The following MBD5 variants were observed in gnomAD, a reference collection of about 807,000 sequenced individuals.
MBD5 encodes the protein methyl-CpG-binding domain protein 5.
A neutral mutation model predicts 117.3 loss-of-function variants in MBD5; 13 were observed. That is an observed-to-expected ratio of 0.11 (90% CI 0.07 to 0.18). MBD5 has a LOEUF of 0.18. MBD5 is among the 10% of genes least tolerant of loss of function. The pLI, the probability that MBD5 is intolerant of heterozygous loss-of-function variation, is 1.00. For missense variants in MBD5, 1,879 were observed against 2,093.8 expected (o/e 0.90, Z 2.00); for synonymous variants, 727 against 766.4 (o/e 0.95, Z 0.85).
At chr2:148,138,395 T>C (rs1697224128) in intron 1 of MBD5, among the ~76,000 whole-genome samples, 1 of 152,204 alleles carries the variant, frequency 6.6e-6, no homozygotes, top group Non-Finnish European at 1.5e-5. Flanking sequence ...TCAATTAGAA[T>C]ATGGAGAAAA....
At chr2:148,436,077 G>T (rs1042493617) in intron 4 of MBD5, among the ~76,000 whole-genome samples, 3 of 152,190 alleles carry the variant, frequency 2.0e-5, no homozygotes, top group African/African-American at 7.2e-5. Context: ...TGTAAGTTAA[G>T]ATACCTATAG....
intron 4 of MBD5, among the ~76,000 whole-genome samples, chr2:148,427,170 G>C (rs1249695217): frequency 4.6e-5 from 7 of 152,148 alleles, no homozygotes; most frequent in African/African-American, 1.2e-4. Context: ...TGGAGAGGAT[G>C]TGGAGAAATA....
At chr2:148,052,715 T>G (rs1694750129) in intron 1 of MBD5, among the ~76,000 whole-genome samples, 1 of 152,188 alleles carries the variant, frequency 6.6e-6, no homozygotes, top group African/African-American at 2.4e-5. Context: ...TTTCCAAATT[T>G]CCTTCTATTA....
In MBD5 at chr2:148,092,027, G is replaced by T. The variant is rs150434997; in HGVS notation, c.-925+70343G>T. Among the ~76,000 whole-genome samples, 205 of 152,238 alleles carry T rather than the reference G, an allele frequency of 1.3e-3. 1 individual carries two copies. Among genetic ancestry groups the T allele is most frequent in the African/African-American group, 4.5e-3 (188 of 41,544 alleles). On this transcript the variant is annotated intron_variant, in intron 1 of 13. Transcript: ENST00000642680. ...TATAAATAGACATTTCCCAAAGGAA[G>T]ACATATAAATGGCCAATAAACATGG...
chr2:148,279,105 A>G (rs1037329285), intron 3 of MBD5, among the ~76,000 whole-genome samples: 2 of 152,108 alleles, frequency 1.3e-5, no homozygotes, highest in African/African-American at 4.8e-5. Flanking sequence ...GAACACCATC[A>G]CAAACACACT....
At chr2:148,442,021 A>G (rs1574427108) in intron 4 of MBD5, among the ~76,000 whole-genome samples, 2 of 152,006 alleles carry the variant, frequency 1.3e-5, no homozygotes, top group African/African-American at 4.8e-5. Flanking sequence ...TTGTCAGATG[A>G]GTAGATTGCA....
intron 4 of MBD5, among the ~76,000 whole-genome samples, chr2:148,377,908 T>C (rs1411647397): frequency 2.6e-5 from 4 of 152,186 alleles, no homozygotes; most frequent in African/African-American, 9.7e-5. Context: ...GTTGGGTGAG[T>C]ACATATTTCT....
chr2:148,311,836 C>T (rs768609069), intron 3 of MBD5, among the ~76,000 whole-genome samples: 5 of 152,188 alleles, frequency 3.3e-5, no homozygotes, highest in African/African-American at 4.8e-5. Context: ...TCTTGTAAGG[C>T]AGGCCTGGTG....
chr2:148,360,403 T>A (rs904750683), intron 4 of MBD5, among the ~76,000 whole-genome samples: 1 of 152,148 alleles, frequency 6.6e-6, no homozygotes, highest in African/African-American at 2.4e-5. Context: ...TCTCAGAGAA[T>A]AGGAAAAACA....
chr2:148,191,092 C>T (rs1333958771), intron 2 of MBD5, among the ~76,000 whole-genome samples: 3 of 119,548 alleles, frequency 2.5e-5, no homozygotes, highest in Non-Finnish European at 5.2e-5. Flanking sequence ...TACAGGAGCA[C>T]CCAGATTCAT....
intron 4 of MBD5, among the ~76,000 whole-genome samples, chr2:148,356,676 G>A (rs1229161995): frequency 6.6e-6 from 1 of 151,870 alleles, no homozygotes; most frequent in Non-Finnish European, 1.5e-5. Flanking sequence ...ATTCCCTTTT[G>A]TTTTTCTTGT....
At chr2:148,253,601 G>GTA (rs1700515793) in intron 3 of MBD5, among the ~76,000 whole-genome samples, 1 of 152,240 alleles carries the variant, frequency 6.6e-6, no homozygotes, top group South Asian at 2.1e-4. Flanking sequence ...ATTCTATACT[G>GTA]TAGTCTATTA....
intron 3 of MBD5, among the ~76,000 whole-genome samples, chr2:148,315,257 G>A (rs771698773): frequency 2.6e-5 from 4 of 151,976 alleles, no homozygotes; most frequent in African/African-American, 7.3e-5. Context: ...TCCCTCTTAC[G>A]GTCCCACATA....
At chr2:148,084,146 T>G (rs1301038742) in intron 1 of MBD5, among the ~76,000 whole-genome samples, 2 of 152,220 alleles carry the variant, frequency 1.3e-5, no homozygotes, top group African/African-American at 4.8e-5. Context: ...TAGTACTTAT[T>G]GCATTTAAAG....
intron 4 of MBD5, among the ~76,000 whole-genome samples, chr2:148,428,098 A>G (rs1705863205): frequency 6.6e-6 from 1 of 152,204 alleles, no homozygotes; most frequent in African/African-American, 2.4e-5. Context: ...AGAAAAGCCC[A>G]TCATCTCTGC....
chr2:148,295,465 T>C (rs1405510245), intron 3 of MBD5, among the ~76,000 whole-genome samples: 1 of 152,194 alleles, frequency 6.6e-6, no homozygotes, highest in African/African-American at 2.4e-5. Context: ...GCTCCCTGCA[T>C]TTCTATTTCT....
chr2:148,112,218 T>C (rs1461473857), intron 1 of MBD5, among the ~76,000 whole-genome samples: 1 of 152,232 alleles, frequency 6.6e-6, no homozygotes, highest in East Asian at 1.9e-4. Context: ...ATAGTTCTCC[T>C]AGCCTATATA....
chr2:148,073,560 A>G (rs1210644577), intron 1 of MBD5, among the ~76,000 whole-genome samples: 1 of 152,210 alleles, frequency 6.6e-6, no homozygotes, highest in Non-Finnish European at 1.5e-5. Context: ...ATAATGGCAT[A>G]CTGTATAACC....
intron 1 of MBD5, among the ~76,000 whole-genome samples, chr2:148,150,671 G>C (rs1386707711): frequency 6.6e-6 from 1 of 151,802 alleles, no homozygotes; most frequent in Non-Finnish European, 1.5e-5. Context: ...CTTGTAAGTT[G>C]GATTCCTAGG....
Sources: allele counts gnomAD v4.1 joint callset (sites outside exome capture counted in the v4.1 genomes callset), GRCh38; gene constraint gnomAD v4.1.1; transcripts MANE v1.5; gene names NCBI Gene and HGNC (gene_info 2026-07-23, HGNC 2026-07-21).